Variants in FBXW10 observed in about 807,000 individuals in gnomAD.
The protein encoded by FBXW10 is F-box and WD repeat domain containing 10, also known as F-box/WD repeat-containing protein 10.
FBXW10 carries 68 observed loss-of-function variants against 113.1 expected under a neutral mutation model. That is an observed-to-expected ratio of 0.60 (90% CI 0.49 to 0.74). FBXW10 has a LOEUF of 0.74. FBXW10 is among the 30% of genes least tolerant of loss of function. FBXW10 has a pLI of 0.00. For missense variants in FBXW10, 753 were observed against 1,284.5 expected, an observed-to-expected ratio of 0.59 and a Z score of 6.32; for synonymous variants, 289 against 481.6, an observed-to-expected ratio of 0.60 and a Z score of 5.24.
chr17:18,744,232 T>C lies in FBXW10; in HGVS notation c.-13T>C. 8.1e-7 allele frequency: 1 copy of C among 1,231,238 alleles called. No individual in the cohort carries two copies. The highest frequency in any genetic ancestry group is 1.2e-6 in the Non-Finnish European group (1 of 849,724). 76.3% of individuals were successfully genotyped at this position (1,231,238 alleles called of 1,614,324 possible). On this transcript the variant is annotated 5_prime_UTR_variant, in exon 1 of 14. Transcript: ENST00000395665. ...AGTGCGCAGGGCTAAAATGGACTGG[T>C]TATCTTAGGATCATGGAAAACCTGG...
intron 12 of FBXW10, among the ~76,000 whole-genome samples, chr17:18,773,880 CAG>C (rs2035658528): frequency 6.6e-6 from 1 of 152,212 alleles, no homozygotes; most frequent in African/African-American, 2.4e-5. Flanking sequence ...TCCAGGGACA[CAG>C]GGGCACCAAA....
At chr17:18,753,613 C>G (rs2151797933) in intron 5 of FBXW10, among the ~76,000 whole-genome samples, 1 of 152,288 alleles carries the variant, frequency 6.6e-6, no homozygotes, top group South Asian at 2.1e-4. Context: ...TGGCTCATGC[C>G]TGTAATCCCA....
chr17:18,751,121 G>A, intron 5 of FBXW10, 68 bp downstream of exon 5: 1 of 1,603,774 alleles, frequency 6.2e-7, no homozygotes, highest in Non-Finnish European at 8.5e-7. Flanking sequence ...TGAAGGCTGA[G>A]GTCCAGACTC....
At chr17:18,757,412 T>C (rs1310837979) in intron 6 of FBXW10, among the ~76,000 whole-genome samples, 3 of 152,236 alleles carry the variant, frequency 2.0e-5, no homozygotes, top group African/African-American at 4.8e-5. Flanking sequence ...TCAAAGCTCC[T>C]CATATTTAGA....
intron 5 of FBXW10, among the ~76,000 whole-genome samples, chr17:18,751,424 G>A (rs1417280267): frequency 1.3e-5 from 2 of 151,966 alleles, no homozygotes; most frequent in Admixed American, 6.6e-5. Flanking sequence ...TGGAGGCGGG[G>A]TTTCACCGTG....
At chr17:18,748,185 C>T in intron 2 of FBXW10, 80 bp downstream of exon 2, 15 of 1,581,136 alleles carry the variant, frequency 9.5e-6, no homozygotes, top group South Asian at 3.4e-5. Flanking sequence ...TTTGGGAGGC[C>T]GAGGCAAGCA....
At chr17:18,774,473 G>A (rs986512102) in intron 12 of FBXW10, among the ~76,000 whole-genome samples, 11 of 152,176 alleles carry the variant, frequency 7.2e-5, no homozygotes, top group Admixed American at 3.3e-4. Context: ...TCCAGCGTTT[G>A]GTTGCACGGT....
chr17:18,746,919 C>CTTTTTTT (rs1166761219), intron 1 of FBXW10, among the ~76,000 whole-genome samples: 2 of 129,142 alleles, frequency 1.5e-5, no homozygotes, highest in African/African-American at 2.9e-5. Flanking sequence ...TGGCAACCTT[C>CTTTTTTT]TTTTTTTTTT....
intron 1 of FBXW10, chr17:18,745,154 A>C: frequency 9.6e-7 from 1 of 1,039,084 alleles, no homozygotes; most frequent in Non-Finnish European, 1.2e-6. Flanking sequence ...GCTGCCCTGC[A>C]CAGAAACCAG....
chr17:18,761,418 A>G (rs1597596779), intron 7 of FBXW10, among the ~76,000 whole-genome samples: 1 of 152,086 alleles, frequency 6.6e-6, no homozygotes, highest in African/African-American at 2.4e-5. Flanking sequence ...GGCACCCGCC[A>G]CCACGCCTGG....
chr17:18,771,999 C>T (rs1380239845), intron 11 of FBXW10, among the ~76,000 whole-genome samples: 2 of 152,064 alleles, frequency 1.3e-5, no homozygotes, highest in African/African-American at 4.8e-5. Flanking sequence ...CCCAGCTACT[C>T]AAGAGGCTGA....
intron 7 of FBXW10, among the ~76,000 whole-genome samples, chr17:18,764,086 C>T (rs2035438594): frequency 6.9e-6 from 1 of 144,960 alleles, no homozygotes; most frequent in African/African-American, 2.6e-5. Context: ...TTGTGACCAC[C>T]AAAAATATCT....
chr17:18,778,087 A>T (rs2035735537), intron 13 of FBXW10, among the ~76,000 whole-genome samples: 1 of 151,258 alleles, frequency 6.6e-6, no homozygotes, highest in Non-Finnish European at 1.5e-5. Context: ...TGTCTCTACT[A>T]AAAAAAATAC....
intron 7 of FBXW10, among the ~76,000 whole-genome samples, chr17:18,758,950 G>A (rs2035326462): frequency 6.6e-6 from 1 of 152,002 alleles, no homozygotes; most frequent in Non-Finnish European, 1.5e-5. Flanking sequence ...GGCAGGTCAC[G>A]AGGTCAGGAA....
chr17:18,778,711 T>A lies in FBXW10; in HGVS notation c.2572T>A (p.Phe858Ile). ...SISYPRKVLNFKGKSIQRAVD... is the reference protein window; with the variant it reads ...SISYPRKVLNIKGKSIQRAVD... Reference sequence around the variant, plus strand: ...TTCATACCCAAGGAAGGTCTTGAATTTCAAAGGAAAATCAATCCAACGTGC... The same window carrying A: ...TTCATACCCAAGGAAGGTCTTGAATATCAAAGGAAAATCAATCCAACGTGC... The change falls in exon 14 of 14, where the codon TTC (phenylalanine) becomes ATC (isoleucine). Residue 858 changes from phenylalanine (F) to isoleucine (I), a missense_variant. Physicochemically the swap from Phe to Ile is conservative, Grantham distance 21 (BLOSUM62 0). Coordinates refer to ENST00000395665, the MANE Select transcript of FBXW10 (RefSeq NM_001267585.2). The A allele has an allele frequency of 6.2e-7, 1 of 1,613,510 alleles. No homozygotes were observed. Among genetic ancestry groups the A allele is most frequent in the Admixed American group, 1.7e-5 (1 of 59,982 alleles).
At chr17:18,751,281 A>G (rs1280172273) in intron 5 of FBXW10, among the ~76,000 whole-genome samples, 1 of 149,744 alleles carries the variant, frequency 6.7e-6, no homozygotes, top group African/African-American at 2.5e-5. Flanking sequence ...GCTGGAGTGC[A>G]GTGGCACAAT....
At chr17:18,778,260 AAAAC>A (rs1357126872) in intron 13 of FBXW10, among the ~76,000 whole-genome samples, 35 of 152,292 alleles carry the variant, frequency 2.3e-4, no homozygotes, top group Non-Finnish European at 4.1e-4. Flanking sequence ...CTCAAAAACA[AAAAC>A]AAACAAACAA....
intron 7 of FBXW10, among the ~76,000 whole-genome samples, chr17:18,759,169 C>CA (rs950772785): frequency 6.6e-5 from 10 of 151,392 alleles, no homozygotes; most frequent in South Asian, 2.1e-4. Context: ...GACTCCATCT[C>CA]AAAAAAAACC....
rs548642847 is a variant in FBXW10 at position 18,753,206 on chromosome 17, A to G, written c.1122+2153A>G. ...AAGTGGGGGGACAGTCTCTTGGGTAACTACCAAACTTCACCCTCATACAGT... is the reference window on the plus strand; with the variant it reads ...AAGTGGGGGGACAGTCTCTTGGGTAGCTACCAAACTTCACCCTCATACAGT... On this transcript the variant is annotated intron_variant, in intron 5 of 13. Coordinates refer to ENST00000395665, the MANE Select transcript of FBXW10 (RefSeq NM_001267585.2). 6.4e-4 allele frequency among the ~76,000 whole-genome samples: 97 copies of G among 152,334 alleles called. 3 individuals carry two copies. In the South Asian group the frequency reaches 0.02, roughly 31 times the overall value.
Sources: allele counts gnomAD v4.1 joint callset (sites outside exome capture counted in the v4.1 genomes callset), GRCh38; gene constraint gnomAD v4.1.1; transcripts MANE v1.5; gene names NCBI Gene and HGNC (gene_info 2026-07-23, HGNC 2026-07-21).